Variants in STAG1 observed in about 807,000 individuals in gnomAD.
STAG1 encodes cohesin subunit SA-1.
A neutral mutation model predicts 170.9 loss-of-function variants in STAG1; 26 were observed. That is an observed-to-expected ratio of 0.15 (90% CI 0.11 to 0.21). The LOEUF (loss-of-function observed/expected upper bound fraction) is 0.21, where lower values mean the gene tolerates loss of function less well. Ranked by LOEUF, STAG1 falls within the 10% of genes least tolerant of loss-of-function variation. The probability of loss-of-function intolerance (pLI) is 1.00; values close to 1 mark genes in which losing one functional copy is unlikely to be tolerated. For synonymous variants in STAG1, 514 were observed against 497.7 expected (o/e 1.03, Z -0.44); for missense variants, 964 against 1,509.5 (o/e 0.64, Z 5.99).
chr3:136,557,413 G>A (rs761396587), intron 5 of STAG1, among the ~76,000 whole-genome samples: 9 of 152,168 alleles, frequency 5.9e-5, no homozygotes, highest in African/African-American at 1.7e-4. Context: ...TCTAGATGAC[G>A]TAAAAACCTA....
At chr3:136,421,855 T>C (rs1172918829) in intron 19 of STAG1, among the ~76,000 whole-genome samples, 1 of 152,086 alleles carries the variant, frequency 6.6e-6, no homozygotes, top group Non-Finnish European at 1.5e-5. Context: ...AATTAGACTT[T>C]AAAGAGATTT....
intron 1 of STAG1, among the ~76,000 whole-genome samples, chr3:136,737,812 G>A (rs952458797): frequency 2.0e-5 from 3 of 152,068 alleles, no homozygotes; most frequent in African/African-American, 7.2e-5. Context: ...GCTCACGCCT[G>A]TAATCCCAAC....
At chr3:136,363,553 A>AT (rs1936956634) in intron 25 of STAG1, 86 bp from the exon 26 acceptor site, 167 of 453,038 alleles carry the variant, frequency 3.7e-4, no homozygotes, top group Middle Eastern at 1.1e-3. Flanking sequence ...TCCTTTGAAA[A>AT]TGAAAAAAAA....
intron 12 of STAG1, among the ~76,000 whole-genome samples, chr3:136,470,688 T>C (rs562468648): frequency 6.6e-6 from 1 of 152,194 alleles, no homozygotes; most frequent in Non-Finnish European, 1.5e-5. Context: ...TGCATACATA[T>C]GTTTATTGCG....
In STAG1 at chr3:136,362,633, G is replaced by T. The variant is rs867087938; in HGVS notation, c.2787+733C>A. On this transcript the variant is annotated intron_variant, in intron 26 of 33. Transcript: ENST00000383202. ...AAAAAAAAAAAAAAAGAAAAAAAAAGAAAAAAGAAAAGAAATTTATACGGA... is the reference window on the plus strand; with the variant it reads ...AAAAAAAAAAAAAAAGAAAAAAAAATAAAAAAGAAAAGAAATTTATACGGA... Among the ~76,000 whole-genome samples, 121 of 138,512 alleles carry T rather than the reference G, an allele frequency of 8.7e-4. 1 individual carries two copies. Among genetic ancestry groups the T allele is most frequent in the Middle Eastern group, 3.7e-3 (1 of 268 alleles). The allele number at this position is 138,512 out of a possible 152,430, so 90.9% of individuals were successfully genotyped here.
intron 7 of STAG1, among the ~76,000 whole-genome samples, chr3:136,519,431 G>C (rs1390449469): frequency 5.9e-5 from 9 of 151,860 alleles, no homozygotes; most frequent in African/African-American, 2.2e-4. Flanking sequence ...CTTCTCTCTT[G>C]GCCTTGGGAA....
intron 29 of STAG1, among the ~76,000 whole-genome samples, chr3:136,346,878 C>A (rs9870825): frequency 0.17 from 25,137 of 152,098 alleles, 2,761 homozygotes; most frequent in Non-Finnish European, 0.24. Flanking sequence ...GCATGTGGAT[C>A]GCTTGAGTCC....
intron 1 of STAG1, among the ~76,000 whole-genome samples, chr3:136,709,872 T>C (rs767448514): frequency 1.1e-4 from 17 of 149,714 alleles, no homozygotes; most frequent in Non-Finnish European, 2.4e-4. Context: ...TCATCTCCAC[T>C]AAAAATACAA....
At chr3:136,512,999 ATAAT>A (rs1934152559) in intron 7 of STAG1, among the ~76,000 whole-genome samples, 1 of 152,198 alleles carries the variant, frequency 6.6e-6, no homozygotes, top group Non-Finnish European at 1.5e-5. Flanking sequence ...CCTCAGAGAA[ATAAT>A]TAATACCATC....
chr3:136,523,052 A>G (rs944182850), intron 6 of STAG1, among the ~76,000 whole-genome samples: 1 of 152,216 alleles, frequency 6.6e-6, no homozygotes, highest in African/African-American at 2.4e-5. Context: ...TCTTTATAGC[A>G]GCATGATTTA....
intron 1 of STAG1, among the ~76,000 whole-genome samples, chr3:136,636,250 A>G (rs1041369378): frequency 6.7e-6 from 1 of 148,744 alleles, no homozygotes; most frequent in Non-Finnish European, 1.5e-5. Context: ...CTCTGTCTCA[A>G]AAAAAAAAAA....
At chr3:136,358,504 A>G (rs540891059) in intron 27 of STAG1, among the ~76,000 whole-genome samples, 1 of 152,164 alleles carries the variant, frequency 6.6e-6, no homozygotes, top group African/African-American at 2.4e-5. Flanking sequence ...TTTACTAAAG[A>G]TTTTCTGTTA....
At chr3:136,680,816 C>T (rs1004349731) in intron 1 of STAG1, among the ~76,000 whole-genome samples, 6 of 150,880 alleles carry the variant, frequency 4.0e-5, no homozygotes, top group South Asian at 2.1e-4. Flanking sequence ...TACCTATATA[C>T]GTATAAAAGT....
At chr3:136,353,490 A>C (rs761426661) in intron 28 of STAG1, among the ~76,000 whole-genome samples, 1 of 152,252 alleles carries the variant, frequency 6.6e-6, no homozygotes, top group Non-Finnish European at 1.5e-5. Context: ...ACATACAAAG[A>C]AAATCCAATA....
intron 6 of STAG1, among the ~76,000 whole-genome samples, chr3:136,527,972 G>A (rs180885494): frequency 5.9e-5 from 9 of 152,220 alleles, no homozygotes; most frequent in Admixed American, 1.3e-4. Context: ...TTATCCGGCC[G>A]TATGATGTGT....
At chr3:136,635,402 T>C (rs372531383) in intron 1 of STAG1, among the ~76,000 whole-genome samples, 1 of 152,118 alleles carries the variant, frequency 6.6e-6, no homozygotes, top group Non-Finnish European at 1.5e-5. Flanking sequence ...GGAAAAGCAC[T>C]TGACAAAATC....
chr3:136,344,920 T>C (rs1936157545), intron 29 of STAG1, among the ~76,000 whole-genome samples: 2 of 152,062 alleles, frequency 1.3e-5, no homozygotes, highest in South Asian at 2.1e-4. Context: ...AGGCTTCTCT[T>C]TTAATTTCTA....
At chr3:136,354,096 T>C (rs1936536347) in intron 28 of STAG1, among the ~76,000 whole-genome samples, 1 of 152,164 alleles carries the variant, frequency 6.6e-6, no homozygotes, top group South Asian at 2.1e-4. Context: ...ACTCTATAAA[T>C]ACATACTGGC....
chr3:136,433,496 T>C, intron 16 of STAG1, 60 bp downstream of exon 16: 1 of 1,261,154 alleles, frequency 7.9e-7, no homozygotes, highest in Non-Finnish European at 1.1e-6. Flanking sequence ...TTTCCAAATA[T>C]TTAAGACAGT....
Sources: gnomAD v4.1 joint callset for allele counts (sites outside exome capture counted in the v4.1 genomes callset) on GRCh38, gnomAD v4.1.1 for gene constraint, MANE v1.5 for transcripts, NCBI Gene and HGNC (gene_info 2026-07-23, HGNC 2026-07-21) for gene names.